The following GPD1L variants were observed in gnomAD, a reference collection of about 807,000 sequenced individuals.
GPD1L encodes the protein glycerol-3-phosphate dehydrogenase 1 like.
In GPD1L, 17 loss-of-function variants were observed where a neutral mutation model predicts 32.9. That is an observed-to-expected ratio of 0.52 (90% CI 0.35 to 0.78). GPD1L has a LOEUF of 0.78. Ranked by LOEUF, GPD1L falls within the 30% of genes least tolerant of loss-of-function variation. The probability of loss-of-function intolerance (pLI) is 0.01; values close to 1 mark genes in which losing one functional copy is unlikely to be tolerated. For missense variants in GPD1L, 361 were observed against 447.8 expected, an observed-to-expected ratio of 0.81 and a Z score of 1.75; for synonymous variants, 187 against 165.9, an observed-to-expected ratio of 1.13 and a Z score of -0.98.
At position 32,128,173 on chromosome 3, in the gene GPD1L, G is replaced by T; in HGVS notation, c.145G>T (p.Gly49Cys). The T allele has an allele frequency of 6.2e-7, 1 of 1,612,098 alleles. No individual in the cohort carries two copies. The highest frequency in any genetic ancestry group is 1.3e-5 in the African/African-American group (1 of 75,010). The change falls in exon 2 of 8, where the codon GGC becomes TGC. Residue 49 changes from glycine to cysteine, a missense_variant. Coordinates refer to ENST00000282541, the MANE Select transcript of GPD1L (RefSeq NM_015141.4). ...KMWVFEETVN[G>C]RKLTDIINND... is the part of the protein sequence containing the mutation. ...GTGGGTCTTTGAAGAAACAGTGAAT[G>T]GCAGAAAACTGACAGACATCATAAA...
At position 32,162,381 on chromosome 3, in the gene GPD1L, T is replaced by A. The variant is rs1489828764; in HGVS notation, c.959+2707T>A. 6.5e-5 allele frequency among the ~76,000 whole-genome samples: 7 copies of A among 107,958 alleles called. 1 individual carries two copies. Among genetic ancestry groups the A allele is most frequent in the Admixed American group, 5.7e-4 (7 of 12,366 alleles). 70.8% of individuals were successfully genotyped at this position (107,958 alleles called of 152,430 possible). A position where few individuals can be genotyped will look rare whatever the true frequency, so the allele number is the denominator to read the frequency against. On this transcript the variant is annotated intron_variant, in intron 7 of 7. Coordinates refer to ENST00000282541, the MANE Select transcript of GPD1L (RefSeq NM_015141.4). ...TGCCTCTCATTTTACCTTAATTACC[T>A]TTTCTTTTTTTTTTTGAGACGGAGT...
intron 5 of GPD1L, among the ~76,000 whole-genome samples, chr3:32,156,395 T>G (rs537424233): frequency 2.4e-4 from 36 of 152,304 alleles, no homozygotes; most frequent in African/African-American, 8.7e-4. Context: ...ATTTTTCCAC[T>G]TTTTCCTTTC....
chr3:32,113,436 G>C (rs534185391), intron 1 of GPD1L, among the ~76,000 whole-genome samples: 68 of 152,164 alleles, frequency 4.5e-4, no homozygotes, highest in Non-Finnish European at 6.5e-4. Context: ...AGGCCAAGTA[G>C]CATCCCCAAG....
intron 1 of GPD1L, 122 bp from the exon 2 acceptor site, chr3:32,127,954 T>C (rs1700535465): frequency 7.9e-6 from 6 of 757,600 alleles, no homozygotes; most frequent in African/African-American, 1.7e-5. Context: ...ACACGTCACA[T>C]CTTGAGTAGG....
chr3:32,122,155 C>G (rs899988611), intron 1 of GPD1L, among the ~76,000 whole-genome samples: 2 of 152,146 alleles, frequency 1.3e-5, no homozygotes, highest in Non-Finnish European at 2.9e-5. Context: ...GGGGACTTGT[C>G]TGCGTTCATT....
intron 4 of GPD1L, among the ~76,000 whole-genome samples, chr3:32,142,905 A>C (rs1000635594): frequency 1.3e-4 from 20 of 152,244 alleles, no homozygotes; most frequent in African/African-American, 4.8e-4. Flanking sequence ...GAATTAAATT[A>C]AGTAAAGCAT....
intron 1 of GPD1L, among the ~76,000 whole-genome samples, chr3:32,107,669 G>A (rs1025938528): frequency 6.6e-6 from 1 of 152,160 alleles, no homozygotes; most frequent in Admixed American, 6.5e-5. Context: ...GGCGTGACAG[G>A]CATCAGAAGT....
intron 1 of GPD1L, among the ~76,000 whole-genome samples, chr3:32,122,958 G>A (rs986882994): frequency 6.6e-6 from 1 of 152,130 alleles, no homozygotes; most frequent in African/African-American, 2.4e-5. Context: ...AGGCTGGATT[G>A]CGGTGGTATG....
chr3:32,146,590 ATTAATATCC>A (rs750370374), intron 4 of GPD1L, 23 bp from the exon 5 acceptor site: 1 of 1,178,920 alleles, frequency 8.5e-7, no homozygotes, highest in Non-Finnish European at 1.3e-6. Context: ...AGAGGCTGTT[ATTAATATCC>A]TTGTTGTCTA....
Position 32,130,994 on chromosome 3 carries a change from A to C in GPD1L, c.225+2741A>C, listed in dbSNP as rs1056645986. On this transcript the variant is annotated intron_variant, in intron 2 of 7. Coordinates refer to ENST00000282541, the MANE Select transcript of GPD1L (RefSeq NM_015141.4). ...TGCCCCGCTGCACTCCAGCCTGGGC[A>C]ACAGAGCAAGACTCCATCTAAAAAA... Among the ~76,000 whole-genome samples, 9 of 152,000 alleles carry C rather than the reference A, an allele frequency of 5.9e-5. No individual in the cohort carries two copies. In the East Asian group the frequency reaches 1.7e-3, roughly 29 times the overall value.
intron 4 of GPD1L, among the ~76,000 whole-genome samples, chr3:32,146,137 A>G: frequency 7.2e-6 from 1 of 138,636 alleles, no homozygotes; most frequent in African/African-American, 2.7e-5. Flanking sequence ...CCCAGGATGG[A>G]GTGCAGTGGT....
At chr3:32,157,461 G>T (rs181890048) in intron 5 of GPD1L, among the ~76,000 whole-genome samples, 216 of 152,206 alleles carry the variant, frequency 1.4e-3, no homozygotes, top group African/African-American at 5.0e-3. Flanking sequence ...TCCCCTGGGG[G>T]CATCTTCAGC....
rs77045511 is a variant in GPD1L, at chr3:32,132,716, G to T, written c.225+4463G>T. ...GGTTTCAGGTGCGGTCCCTGAATGT[G>T]CATTTCTCACAAGTTCCCAGGTAAT... On this transcript the variant is annotated intron_variant, in intron 2 of 7. Coordinates refer to ENST00000282541, the MANE Select transcript of GPD1L (RefSeq NM_015141.4). Among the ~76,000 whole-genome samples, 3,614 of 152,254 alleles carry T rather than the reference G, an allele frequency of 0.024. 301 individuals carry two copies. In the East Asian group the frequency reaches 0.26, roughly 11 times the overall value.
At chr3:32,144,289 G>A (rs1389257740) in intron 4 of GPD1L, among the ~76,000 whole-genome samples, 1 of 152,128 alleles carries the variant, frequency 6.6e-6, no homozygotes, top group African/African-American at 2.4e-5. Context: ...CTGTCATGGT[G>A]AACTACAGTG....
chr3:32,121,613 T>A (rs1700417747), intron 1 of GPD1L, among the ~76,000 whole-genome samples: 1 of 104,594 alleles, frequency 9.6e-6, no homozygotes, highest in East Asian at 2.5e-4. Flanking sequence ...CTATATATAT[T>A]TCTATATATA....
At chr3:32,145,238 GA>G (rs1192945476) in intron 4 of GPD1L, among the ~76,000 whole-genome samples, 1 of 152,116 alleles carries the variant, frequency 6.6e-6, no homozygotes, top group African/African-American at 2.4e-5. Context: ...AGAATCGCTT[GA>G]GCTTGGGAGG....
At chr3:32,143,516 GCTAAAGGAGTGTCCCAGAATAAAAAGGA>G (rs981235741) in intron 4 of GPD1L, among the ~76,000 whole-genome samples, 3 of 152,134 alleles carry the variant, frequency 2.0e-5, no homozygotes, top group Non-Finnish European at 2.9e-5. Context: ...ACAATGAAAG[GCTAAAGGAGTGTCCCAGAATAAAAAGGA>G]CTAAAGATAT....
intron 1 of GPD1L, among the ~76,000 whole-genome samples, chr3:32,115,912 C>T (rs147352399): frequency 0.058 from 8,735 of 151,378 alleles, 273 homozygotes; most frequent in Middle Eastern, 0.1. Context: ...CCTCAGCCTC[C>T]GAGTAGCTGG....
chr3:32,120,885 A>G (rs1348289798), intron 1 of GPD1L, among the ~76,000 whole-genome samples: 2 of 152,054 alleles, frequency 1.3e-5, no homozygotes, highest in Admixed American at 6.6e-5. Context: ...TTTTAGAGAG[A>G]AAGGGGTGAG....
Sources: allele counts gnomAD v4.1 joint callset (sites outside exome capture counted in the v4.1 genomes callset), GRCh38; gene constraint gnomAD v4.1.1; transcripts MANE v1.5; gene names NCBI Gene and HGNC (gene_info 2026-07-23, HGNC 2026-07-21).